Variants in ASAP3 observed in about 807,000 individuals in gnomAD.
The protein encoded by ASAP3 is ArfGAP with SH3 domain, ankyrin repeat and PH domain 3, also known as arf-GAP with SH3 domain, ANK repeat and PH domain-containing protein 3.
Under a neutral mutation model 118.2 loss-of-function variants are expected in ASAP3, and 85 were observed. The observed-to-expected ratio is 0.72, with a 90% CI of 0.60 to 0.86. The LOEUF is 0.86. ASAP3 is among the 40% of genes least tolerant of loss of function. The pLI, the probability that ASAP3 is intolerant of heterozygous loss-of-function variation, is 0.00. For missense variants in ASAP3, 1,026 were observed against 1,175.0 expected (o/e 0.87, Z 1.85); for synonymous variants, 432 against 477.4 (o/e 0.90, Z 1.24).
intron 1 of ASAP3, among the ~76,000 whole-genome samples, chr1:23,471,956 C>A (rs1641974220): frequency 6.6e-6 from 1 of 152,046 alleles, no homozygotes; most frequent in Admixed American, 6.6e-5. Flanking sequence ...CACGGATGAA[C>A]CTTGAAAACA....
chr1:23,448,333 T>C (rs1350977676), intron 5 of ASAP3, among the ~76,000 whole-genome samples: 1 of 152,152 alleles, frequency 6.6e-6, no homozygotes, highest in Non-Finnish European at 1.5e-5. Context: ...TACCTATAAA[T>C]TGGGAATAAC....
At chr1:23,467,136 C>A (rs1461668476) in intron 1 of ASAP3, among the ~76,000 whole-genome samples, 4 of 151,884 alleles carry the variant, frequency 2.6e-5, no homozygotes, top group African/African-American at 9.7e-5. Flanking sequence ...AGTGCTAGGA[C>A]TACAGGCGTG....
chr1:23,436,837 C>A lies in ASAP3; in HGVS notation c.1476+74G>T. The A allele has an allele frequency of 6.4e-7, 1 of 1,567,060 alleles. No homozygotes were observed. On this transcript the variant is annotated intron_variant, in intron 15 of 24. Coordinates refer to ENST00000336689, the MANE Select transcript of ASAP3 (RefSeq NM_017707.4). The surrounding 1 kb of genome is among the most constrained non-coding windows in gnomAD (Gnocchi z 4.2). ...TCGGCCAGGTCCCACCCACAACCTG[C>A]AAGCCCCGCCCCCGGATGAAACTAC...
chr1:23,456,102 C>A lies in ASAP3; in HGVS notation c.202+20G>T, dbSNP rs1401265954. 1 of 1,613,980 alleles carries A rather than the reference C, an allele frequency of 6.2e-7. No individual in the cohort carries two copies. The highest frequency in any genetic ancestry group is 1.7e-5 in the Admixed American group (1 of 59,994). ...AGAGGGGCTTCCTGACCAGGCGGGG[C>A]ACCCAGGAGGCTCACTTACCAAGGC... On this transcript the variant is annotated intron_variant, in intron 2 of 24. Coordinates refer to ENST00000336689, the MANE Select transcript of ASAP3 (RefSeq NM_017707.4).
At chr1:23,468,179 T>G (rs899273347) in intron 1 of ASAP3, among the ~76,000 whole-genome samples, 11 of 152,134 alleles carry the variant, frequency 7.2e-5, no homozygotes, top group Admixed American at 2.0e-4. Context: ...ACTAAACCGT[T>G]AAGACTCTAA....
chr1:23,449,498 G>A (rs529230109), intron 5 of ASAP3, among the ~76,000 whole-genome samples: 1 of 152,294 alleles, frequency 6.6e-6, no homozygotes, highest in African/African-American at 2.4e-5. Context: ...TCAGGGCCCT[G>A]GGCCCTTCCA....
In ASAP3 at chr1:23,484,110, G is replaced by C. The variant is rs772787444; in HGVS notation, c.24C>G (p.Ala8=). 7.5e-7 allele frequency: 1 copy of C among 1,336,816 alleles called. No homozygotes were observed. The highest frequency in any genetic ancestry group is 1.5e-5 in the African/African-American group (1 of 66,030). 82.8% of individuals were successfully genotyped at this position (1,336,816 alleles called of 1,614,324 possible). ...CCTCCGCGGTGACGGCCAGGAACTC[G>C]GCGACGCTGAACTGCTCCGGCATGG... MPEQFSV[A]EFLAVTAEDL... is the part of the protein sequence containing the mutation. Residue 8 remains alanine, a synonymous_variant, in exon 1 of 25, where the codon GCC becomes GCG. Coordinates refer to ENST00000336689, the MANE Select transcript of ASAP3 (RefSeq NM_017707.4).
intron 5 of ASAP3, among the ~76,000 whole-genome samples, chr1:23,449,144 G>T (rs893060949): frequency 7.9e-5 from 12 of 152,190 alleles, no homozygotes; most frequent in Non-Finnish European, 1.5e-4. Context: ...AGCTGGCTAG[G>T]GTAAATGCTA....
At position 23,436,585 on chromosome 1, in the gene ASAP3, G is replaced by C. The variant is rs1223362377; in HGVS notation, c.1546C>G (p.Pro516Ala). The change falls in exon 16 of 25, where the codon CCT (proline) becomes GCT (alanine). Residue 516 changes from proline to alanine, a missense_variant. Physicochemically the swap from Pro to Ala is conservative, Grantham distance 27. Coordinates refer to ENST00000336689, the MANE Select transcript of ASAP3 (RefSeq NM_017707.4). This position sits in a 1 kb window ranked among gnomAD's most constrained non-coding sequence, Gnocchi z 4.2. ...ATGTCACTCTCAGCTGAGGGTTTAG[G>C]GCCGCCGTGTGAGGGTAGCTGGGCC... ...MEAQLPSHGG[P>A]KPSAESDMGT... 1 of 1,614,078 alleles carries C rather than the reference G, an allele frequency of 6.2e-7. No individual in the cohort carries two copies. The highest frequency in any genetic ancestry group is 1.3e-5 in the African/African-American group (1 of 74,916).
At chr1:23,447,824 T>C (rs899085611) in intron 5 of ASAP3, among the ~76,000 whole-genome samples, 4 of 152,224 alleles carry the variant, frequency 2.6e-5, no homozygotes, top group South Asian at 4.1e-4. Flanking sequence ...ACTTTGTCAA[T>C]GTACTTCAGC....
In ASAP3 at chr1:23,440,675, T is replaced by C. The variant is rs1353638519; in HGVS notation, c.944+427A>G. Among the ~76,000 whole-genome samples the C allele has an allele frequency of 3.7e-4, 55 of 149,752 alleles. 1 individual carries two copies. The highest frequency in any genetic ancestry group is 8.9e-5 in the Non-Finnish European group (6 of 67,426). ...ATCGAGACCATCCTGGCTAACATAG[T>C]GAAACCCCGTCTCTACTAAAAATAC... On this transcript the variant is annotated intron_variant, in intron 10 of 24. Transcript: ENST00000336689.
At chr1:23,456,365 C>CA (rs1641387133) in intron 1 of ASAP3, among the ~76,000 whole-genome samples, 171 bp from the exon 2 acceptor site, 1 of 152,106 alleles carries the variant, frequency 6.6e-6, no homozygotes, top group Non-Finnish European at 1.5e-5. Flanking sequence ...CCCCACCAAA[C>CA]AAAAAACCAC....
At chr1:23,450,886 G>C (rs1641192594) in intron 5 of ASAP3, among the ~76,000 whole-genome samples, 1 of 152,200 alleles carries the variant, frequency 6.6e-6, no homozygotes, top group Non-Finnish European at 1.5e-5. Flanking sequence ...TGCCCAGGAG[G>C]AATTGGCCAC....
chr1:23,476,295 G>A (rs1208531097), intron 1 of ASAP3, among the ~76,000 whole-genome samples: 6 of 149,640 alleles, frequency 4.0e-5, no homozygotes, highest in East Asian at 2.0e-4. Context: ...GCAGTAAGCC[G>A]AGATGGTGCC....
At chr1:23,443,938 G>T (rs1375076391) in intron 5 of ASAP3, among the ~76,000 whole-genome samples, 2 of 152,046 alleles carry the variant, frequency 1.3e-5, no homozygotes, top group African/African-American at 2.4e-5. Flanking sequence ...AGCCAGGATG[G>T]TCTTGATCTC....
chr1:23,461,104 C>G (rs191257812), intron 1 of ASAP3, among the ~76,000 whole-genome samples: 1 of 152,126 alleles, frequency 6.6e-6, no homozygotes, highest in Non-Finnish European at 1.5e-5. Context: ...GGCAGGGAAA[C>G]ATTTCTGTAT....
At chr1:23,483,499 C>G (rs1642378510) in intron 1 of ASAP3, among the ~76,000 whole-genome samples, 1 of 152,152 alleles carries the variant, frequency 6.6e-6, no homozygotes, top group African/African-American at 2.4e-5. Flanking sequence ...CAAGGTGAAC[C>G]CCGGCTCCTG....
Position 23,429,725 on chromosome 1 carries a change from C to G in ASAP3, c.*131G>C. 2.2e-6 allele frequency: 2 copies of G among 912,632 alleles called. No homozygotes were observed. The highest frequency in any genetic ancestry group is 3.5e-5 in the South Asian group (2 of 57,422). 56.5% of individuals were successfully genotyped at this position (912,632 alleles called of 1,614,324 possible). Reference sequence around the variant, plus strand: ...TGGCCTGTGGCAGGAAGAAGGCCAGCTACAGAGGCACAAGGGACAGAGAGA... The same window carrying G: ...TGGCCTGTGGCAGGAAGAAGGCCAGGTACAGAGGCACAAGGGACAGAGAGA... On this transcript the variant is annotated 3_prime_UTR_variant, in exon 25 of 25. Transcript: ENST00000336689.
Position 23,435,939 on chromosome 1 carries a change from G to A in ASAP3, c.1661C>T (p.Ala554Val), listed in dbSNP as rs774877977. 4 of 1,614,260 alleles carry A rather than the reference G, an allele frequency of 2.5e-6. No individual in the cohort carries two copies. In the South Asian group the frequency reaches 3.3e-5, roughly 13 times the overall value. The change falls in exon 17 of 25, where the codon GCC becomes GTC. Residue 554 changes from alanine (A) to valine (V), a missense_variant. By Grantham distance (64) the Ala-to-Val change is moderately conservative. Transcript: ENST00000336689. ...CGACAGGAGGTCCCTGTTGCAAATG[G>A]CTGTCCAGAGTCGCTGAGGCTCAGG... Reference protein sequence around the residue: ...CTPEPQRLWTAICNRDLLSVL... With the variant: ...CTPEPQRLWTVICNRDLLSVL...
Sources: gnomAD v4.1 joint callset for allele counts (sites outside exome capture counted in the v4.1 genomes callset) on GRCh38, gnomAD v4.1.1 for gene constraint, Gnocchi (gnomAD v3.1) non-coding constraint, MANE v1.5 for transcripts, NCBI Gene and HGNC (gene_info 2026-07-23, HGNC 2026-07-21) for gene names.